INPP4B: variants seen among roughly 807,000 people sequenced by gnomAD.
The protein encoded by INPP4B is inositol polyphosphate 4-phosphatase type II.
In INPP4B, 55 loss-of-function variants were observed where a neutral mutation model predicts 122.5. That is an observed-to-expected ratio of 0.45 (90% CI 0.36 to 0.56). INPP4B has a LOEUF of 0.56. INPP4B is among the 20% of genes least tolerant of loss of function. INPP4B has a pLI of 0.00. For synonymous variants in INPP4B, 403 were observed against 388.7 expected (o/e 1.04, Z -0.43); for missense variants, 1,000 against 1,097.7 (o/e 0.91, Z 1.26).
chr4:142,131,773 T>C (rs1050717443), intron 18 of INPP4B, among the ~76,000 whole-genome samples: 1 of 152,204 alleles, frequency 6.6e-6, no homozygotes, highest in East Asian at 1.9e-4. Context: ...CTGACCAATG[T>C]GGAGAAACCC....
At chr4:142,254,378 A>C (rs1324967804) in intron 11 of INPP4B, among the ~76,000 whole-genome samples, 1 of 139,368 alleles carries the variant, frequency 7.2e-6, no homozygotes, top group African/African-American at 2.6e-5. Flanking sequence ...AGCTGAGAGA[A>C]GAAGGCTTCA....
intron 2 of INPP4B, among the ~76,000 whole-genome samples, chr4:142,565,079 G>C (rs1731338956): frequency 1.3e-5 from 2 of 149,432 alleles, no homozygotes; most frequent in South Asian, 2.1e-4. Flanking sequence ...GTCTTTCTTT[G>C]TGTTTTATGA....
rs372859019 is a variant in INPP4B, at chr4:142,545,709, G to GTGTGTATATACACA, written c.-190-82984_-190-82983insTGTGTATATACACA. 7.1e-3 allele frequency among the ~76,000 whole-genome samples: 759 copies of GTGTGTATATACACA among 107,076 alleles called. 22 individuals are homozygous for GTGTGTATATACACA. Among genetic ancestry groups the GTGTGTATATACACA allele is most frequent in the African/African-American group, 0.031 (700 of 22,544 alleles). 70.2% of individuals were successfully genotyped at this position (107,076 alleles called of 152,430 possible). A position where few individuals can be genotyped will look rare whatever the true frequency, so the allele number is the denominator to read the frequency against. On this transcript the variant is annotated intron_variant, in intron 2 of 25. Transcript: ENST00000262992. ...CACACATATATATGTGTATATATAT[G>GTGTGTATATACACA]TGTGTGTATATGTGTGTATATACAC...
At chr4:142,775,501 TTCCCC>T (rs1307723117) in intron 1 of INPP4B, among the ~76,000 whole-genome samples, 3 of 147,058 alleles carry the variant, frequency 2.0e-5, no homozygotes, top group South Asian at 2.3e-4. Context: ...TTCCCTTCCC[TTCCCC>T]TCCCCTCCCC....
At chr4:142,676,400 A>G (rs1580687409) in intron 2 of INPP4B, among the ~76,000 whole-genome samples, 1 of 152,082 alleles carries the variant, frequency 6.6e-6, no homozygotes, top group East Asian at 1.9e-4. Context: ...ATCAACATTA[A>G]AATGGCCATA....
At chr4:142,372,207 A>T (rs1447518903) in intron 7 of INPP4B, among the ~76,000 whole-genome samples, 2 of 152,052 alleles carry the variant, frequency 1.3e-5, no homozygotes, top group African/African-American at 4.8e-5. Context: ...ATGTGTTCTC[A>T]CTCCTATATG....
chr4:142,363,852 C>A, intron 7 of INPP4B, among the ~76,000 whole-genome samples: 1 of 152,070 alleles, frequency 6.6e-6, no homozygotes, highest in Non-Finnish European at 1.5e-5. Context: ...GGTTCATCTG[C>A]ATTCCTCAAG....
intron 15 of INPP4B, among the ~76,000 whole-genome samples, chr4:142,188,599 A>G (rs1008122235): frequency 1.3e-5 from 2 of 150,376 alleles, no homozygotes; most frequent in Non-Finnish European, 3.0e-5. Context: ...ACTGTCAGTG[A>G]CTGACAAGTC....
chr4:142,045,977 T>C (rs976787895), intron 25 of INPP4B, among the ~76,000 whole-genome samples: 3 of 151,992 alleles, frequency 2.0e-5, no homozygotes, highest in Non-Finnish European at 4.4e-5. Flanking sequence ...GGACTTTTTT[T>C]CAATAAATTG....
At chr4:142,342,310 G>C (rs950793598) in intron 7 of INPP4B, among the ~76,000 whole-genome samples, 1 of 152,100 alleles carries the variant, frequency 6.6e-6, no homozygotes, top group Admixed American at 6.5e-5. Flanking sequence ...AGTTTTATTA[G>C]TGTTAATCAT....
At chr4:142,495,290 T>C (rs1822397672) in intron 2 of INPP4B, among the ~76,000 whole-genome samples, 1 of 152,060 alleles carries the variant, frequency 6.6e-6, no homozygotes, top group Non-Finnish European at 1.5e-5. Context: ...AAAAAACGAC[T>C]CTTCTCAAAT....
At chr4:142,760,597 C>CA (rs1332638493) in intron 1 of INPP4B, among the ~76,000 whole-genome samples, 2 of 151,824 alleles carry the variant, frequency 1.3e-5, no homozygotes, top group Admixed American at 6.6e-5. Flanking sequence ...ACTACTGACT[C>CA]AAAAAACTGG....
At chr4:142,691,965 A>G (rs941868353) in intron 2 of INPP4B, among the ~76,000 whole-genome samples, 1 of 152,200 alleles carries the variant, frequency 6.6e-6, no homozygotes, top group Non-Finnish European at 1.5e-5. Flanking sequence ...TTAAAAATCT[A>G]TGAAGAATTA....
At chr4:142,684,793 C>T (rs1319678963) in intron 2 of INPP4B, among the ~76,000 whole-genome samples, 2 of 151,848 alleles carry the variant, frequency 1.3e-5, no homozygotes, top group Non-Finnish European at 2.9e-5. Flanking sequence ...GTCTTGGTCA[C>T]ATTATTCTTA....
chr4:142,347,473 T>C, intron 7 of INPP4B: 1 of 431,256 alleles, frequency 2.3e-6, no homozygotes, highest in South Asian at 1.7e-5. Context: ...AAATGAAGGT[T>C]GGAAGAAGCC....
chr4:142,670,608 T>A (rs964523545), intron 2 of INPP4B, among the ~76,000 whole-genome samples: 8 of 152,088 alleles, frequency 5.3e-5, no homozygotes, highest in African/African-American at 1.4e-4. Flanking sequence ...GTTGATGTCA[T>A]GGAAGAAGAG....
intron 2 of INPP4B, among the ~76,000 whole-genome samples, chr4:142,682,458 A>C (rs1026615663): frequency 2.6e-5 from 4 of 152,008 alleles, no homozygotes; most frequent in African/African-American, 9.7e-5. Flanking sequence ...TATTTCTATA[A>C]TATATTGCAA....
intron 2 of INPP4B, among the ~76,000 whole-genome samples, chr4:142,549,094 A>C (rs1256349102): frequency 6.6e-6 from 1 of 152,130 alleles, no homozygotes; most frequent in Admixed American, 6.6e-5. Flanking sequence ...AATTAAGCGG[A>C]CACAACAGTT....
At chr4:142,249,146 C>G (rs1730653869) in intron 11 of INPP4B, among the ~76,000 whole-genome samples, 1 of 152,178 alleles carries the variant, frequency 6.6e-6, no homozygotes, top group Non-Finnish European at 1.5e-5. Flanking sequence ...GCACAGTCTC[C>G]TCATCTTTGT....
Sources: gnomAD v4.1 joint callset for allele counts (sites outside exome capture counted in the v4.1 genomes callset) on GRCh38, gnomAD v4.1.1 for gene constraint, MANE v1.5 for transcripts, NCBI Gene and HGNC (gene_info 2026-07-23, HGNC 2026-07-21) for gene names.